AHCYL2: variants seen among roughly 807,000 people sequenced by gnomAD.
AHCYL2 encodes adenosylhomocysteinase like 2, also known as S-adenosylhomocysteine hydrolase-like protein 2.
A neutral mutation model predicts 81.4 loss-of-function variants in AHCYL2; 28 were observed. The observed-to-expected ratio is 0.34, with a 90% CI of 0.25 to 0.47. The LOEUF is 0.47. Ranked by LOEUF, AHCYL2 falls within the 20% of genes least tolerant of loss-of-function variation. The pLI, the probability that AHCYL2 is intolerant of heterozygous loss-of-function variation, is 1.00. For missense variants in AHCYL2, 551 were observed against 785.1 expected, an observed-to-expected ratio of 0.70 and a Z score of 3.56; for synonymous variants, 272 against 290.2, an observed-to-expected ratio of 0.94 and a Z score of 0.64.
At chr7:129,410,167 T>C (rs1796497872) in intron 11 of AHCYL2, 1 of 1,609,350 alleles carries the variant, frequency 6.2e-7, no homozygotes, top group Admixed American at 1.7e-5. Context: ...TGGGTTGGGG[T>C]TTATAACCAA....
chr7:129,332,437 A>G (rs987701203), intron 1 of AHCYL2, among the ~76,000 whole-genome samples: 1 of 152,264 alleles, frequency 6.6e-6, no homozygotes, highest in African/African-American at 2.4e-5. Flanking sequence ...AAGTTGAAAC[A>G]GTGATGTTAT....
chr7:129,314,178 G>A (rs1299049130), intron 1 of AHCYL2, among the ~76,000 whole-genome samples: 7 of 152,140 alleles, frequency 4.6e-5, no homozygotes, highest in Non-Finnish European at 8.8e-5. Flanking sequence ...ATCCCTTCTA[G>A]TCTCATGTGT....
chr7:129,227,089 A>C (rs577097500), intron 1 of AHCYL2, among the ~76,000 whole-genome samples: 5 of 152,326 alleles, frequency 3.3e-5, no homozygotes, highest in Admixed American at 1.3e-4. Context: ...CCTTTTGGGT[A>C]ATTTCCAAAT....
At chr7:129,397,456 A>G in intron 5 of AHCYL2, 132 bp downstream of exon 5, 1 of 937,978 alleles carries the variant, frequency 1.1e-6, no homozygotes. Flanking sequence ...TCGATTCTTC[A>G]TGAATTTGCT....
At chr7:129,230,079 CTTTTTTTTTTT>C (rs35056717) in intron 1 of AHCYL2, among the ~76,000 whole-genome samples, 35 of 109,434 alleles carry the variant, frequency 3.2e-4, no homozygotes, top group Non-Finnish European at 5.8e-4. Context: ...TTATTTAATT[CTTTTTTTTTTT>C]TTTTTTTTTT....
chr7:129,231,148 C>G (rs941182251), intron 1 of AHCYL2, among the ~76,000 whole-genome samples: 1 of 151,912 alleles, frequency 6.6e-6, no homozygotes, highest in Non-Finnish European at 1.5e-5. Flanking sequence ...AGGAGAATCA[C>G]TTGAATGCTT....
At chr7:129,380,041 C>T (rs987911592) in intron 2 of AHCYL2, among the ~76,000 whole-genome samples, 13 of 150,702 alleles carry the variant, frequency 8.6e-5, no homozygotes, top group Non-Finnish European at 1.5e-4. Context: ...ATGATCTTTC[C>T]GGAACAGTAT....
chr7:129,307,035 G>A lies in AHCYL2; in HGVS notation c.364-72603G>A, dbSNP rs139217392. On this transcript the variant is annotated intron_variant, in intron 1 of 16. Transcript: ENST00000325006. The stretch of plus-strand genomic sequence containing the variant: ...GCCCTGTGGCCACCAACACTGGGAC[G>A]CATTGGGTCAGTCCTGAAGCCAGTA... Among the ~76,000 whole-genome samples the A allele has an allele frequency of 9.5e-3, 1,449 of 152,298 alleles. 13 individuals carry two copies. The highest frequency in any genetic ancestry group is 0.014 in the Non-Finnish European group (926 of 68,022).
chr7:129,397,442 G>T, intron 5 of AHCYL2, 118 bp downstream of exon 5: 1 of 990,686 alleles, frequency 1.0e-6, no homozygotes, highest in Non-Finnish European at 1.5e-6. Flanking sequence ...GGAAGAAATG[G>T]ATCTCGATTC....
intron 1 of AHCYL2, among the ~76,000 whole-genome samples, chr7:129,356,742 C>T (rs1304175362): frequency 6.6e-6 from 1 of 152,054 alleles, no homozygotes. Context: ...ATCCTTAGTT[C>T]ATGTTGATTA....
chr7:129,408,621 C>CAG (rs1417002555), intron 10 of AHCYL2, among the ~76,000 whole-genome samples: 1 of 152,124 alleles, frequency 6.6e-6, no homozygotes, highest in East Asian at 1.9e-4. Context: ...TAATTTGATC[C>CAG]TTGGCTATGA....
At chr7:129,314,866 A>C (rs748933248) in intron 1 of AHCYL2, among the ~76,000 whole-genome samples, 1 of 152,218 alleles carries the variant, frequency 6.6e-6, no homozygotes, top group Non-Finnish European at 1.5e-5. Flanking sequence ...AGTACAGAGT[A>C]CATTTTACTA....
intron 1 of AHCYL2, among the ~76,000 whole-genome samples, chr7:129,254,930 T>C (rs1448499232): frequency 1.3e-5 from 2 of 152,168 alleles, no homozygotes; most frequent in Non-Finnish European, 2.9e-5. Context: ...TGGTAGGATT[T>C]CTGAATTAAT....
rs143894485 is a variant in AHCYL2, at chr7:129,309,651, C to T, written c.364-69987C>T. Among the ~76,000 whole-genome samples, 932 of 152,288 alleles carry T rather than the reference C, an allele frequency of 6.1e-3. 12 individuals are homozygous for T. Among genetic ancestry groups the T allele is most frequent in the Middle Eastern group, 0.01 (3 of 294 alleles). ...TTGGTTCTTGTCCGCTGCCAGCCCC[C>T]GCATTCCTGGATCAATTTTACAGTC... On this transcript the variant is annotated intron_variant, in intron 1 of 16. Coordinates refer to ENST00000325006, the MANE Select transcript of AHCYL2 (RefSeq NM_015328.4).
At chr7:129,264,031 T>C (rs1347536802) in intron 1 of AHCYL2, among the ~76,000 whole-genome samples, 1 of 152,196 alleles carries the variant, frequency 6.6e-6, no homozygotes, top group Non-Finnish European at 1.5e-5. Flanking sequence ...TTTTATTTTT[T>C]ATTTTTTTGA....
chr7:129,273,870 AATC>A (rs1479632930), intron 1 of AHCYL2, among the ~76,000 whole-genome samples: 1 of 152,214 alleles, frequency 6.6e-6, no homozygotes, highest in Non-Finnish European at 1.5e-5. Context: ...ATTTTAAAGA[AATC>A]ATAATAATAA....
intron 1 of AHCYL2, among the ~76,000 whole-genome samples, chr7:129,326,394 G>A (rs2150796578): frequency 6.6e-6 from 1 of 152,182 alleles, no homozygotes; most frequent in East Asian, 1.9e-4. Flanking sequence ...GGGCGTGGTG[G>A]CAGGCGCCTA....
At chr7:129,321,751 T>G (rs993094594) in intron 1 of AHCYL2, among the ~76,000 whole-genome samples, 11 of 146,658 alleles carry the variant, frequency 7.5e-5, no homozygotes, top group Non-Finnish European at 1.4e-4. Context: ...TTGTTTTTTT[T>G]TTTTTTTTTT....
intron 1 of AHCYL2, among the ~76,000 whole-genome samples, chr7:129,333,885 A>G (rs996335442): frequency 2.0e-5 from 3 of 152,204 alleles, no homozygotes; most frequent in African/African-American, 7.2e-5. Context: ...CATTTTTTTC[A>G]TGGCCCAGTC....
Sources: allele counts gnomAD v4.1 joint callset (sites outside exome capture counted in the v4.1 genomes callset), GRCh38; gene constraint gnomAD v4.1.1; transcripts MANE v1.5; gene names NCBI Gene and HGNC (gene_info 2026-07-23, HGNC 2026-07-21).